Variants in ZNF560 observed in about 807,000 individuals in gnomAD.
ZNF560 encodes zinc finger protein 560.
Under a neutral mutation model 81.8 loss-of-function variants are expected in ZNF560, and 54 were observed. The observed-to-expected ratio is 0.66, with a 90% CI of 0.53 to 0.83. The LOEUF (loss-of-function observed/expected upper bound fraction) is 0.83. ZNF560 is among the 40% of genes least tolerant of loss of function. The probability of loss-of-function intolerance (pLI) is 0.00; values close to 1 mark genes in which losing one functional copy is unlikely to be tolerated. For missense variants in ZNF560, 940 were observed against 932.4 expected (o/e 1.01, Z -0.11); for synonymous variants, 321 against 317.9 (o/e 1.01, Z -0.10).
chr19:9,485,286 G>A (rs2073367074), intron 2 of ZNF560, among the ~76,000 whole-genome samples: 1 of 152,130 alleles, frequency 6.6e-6, no homozygotes, highest in Non-Finnish European at 1.5e-5. Flanking sequence ...CAAAATACTA[G>A]CAAGCTGAAT....
At chr19:9,505,231 C>T in the ZNF560 span, among the ~76,000 whole-genome samples, 8 of 152,210 alleles carry the variant, frequency 5.3e-5, no homozygotes, top group Non-Finnish European at 8.8e-5. Flanking sequence ...TGGCTTATTA[C>T]ATCTCTTGAT....
chr19:9,485,335 T>C (rs1464624540), intron 2 of ZNF560, among the ~76,000 whole-genome samples: 1 of 152,026 alleles, frequency 6.6e-6, no homozygotes, highest in African/African-American at 2.4e-5. Flanking sequence ...AATGATCAAG[T>C]AGGATTTATC....
chr19:9,458,900 G>A, the ZNF560 span, among the ~76,000 whole-genome samples: 2 of 152,196 alleles, frequency 1.3e-5, no homozygotes, highest in African/African-American at 4.8e-5. Flanking sequence ...CCTCGTTTGG[G>A]AGACTAGCTT....
At chr19:9,468,912 T>C (rs2073078740) in intron 9 of ZNF560, among the ~76,000 whole-genome samples, 193 bp downstream of exon 9, 1 of 152,002 alleles carries the variant, frequency 6.6e-6, no homozygotes, top group Non-Finnish European at 1.5e-5. Flanking sequence ...GTATTTTTAG[T>C]AGAGATGGGG....
chr19:9,503,458 C>T (rs983465907), upstream of ZNF560, among the ~76,000 whole-genome samples: 6 of 152,156 alleles, frequency 3.9e-5, no homozygotes, highest in East Asian at 1.9e-4. Flanking sequence ...CTGGTTCATA[C>T]GATTGTCTTC....
chr19:9,504,265 C>A, the ZNF560 span, among the ~76,000 whole-genome samples: 1 of 151,930 alleles, frequency 6.6e-6, no homozygotes, highest in Non-Finnish European at 1.5e-5. Flanking sequence ...TGAAACTCTG[C>A]TTCTACTAAA....
Position 9,466,814 on chromosome 19 carries a change from G to A in ZNF560, c.2133C>T (p.Pro711=), listed in dbSNP as rs754299500. The A allele has an allele frequency of 8.7e-6, 14 of 1,614,106 alleles. No individual in the cohort carries two copies. The highest frequency in any genetic ancestry group is 1.1e-5 in the Non-Finnish European group (13 of 1,180,020). The change falls in exon 10 of 10, where the codon CCC becomes CCT. Residue 711 remains proline, a synonymous_variant. Coordinates refer to ENST00000301480, the MANE Select transcript of ZNF560 (RefSeq NM_152476.3). ...CTTTCCCACAGTCCTTACATTTATAGGGTTTTATTTTGGTGAGAGTTTTTA... is the reference window on the plus strand; with the variant it reads ...CTTTCCCACAGTCCTTACATTTATAAGGTTTTATTTTGGTGAGAGTTTTTA... The part of the protein sequence containing the change: ...DRLKTLTKIK[P]YKCKDCGKAF...
At position 9,469,088 on chromosome 19, in the gene ZNF560, T is replaced by A. The variant is rs777764648; in HGVS notation, c.612+17A>T. 5.8e-5 allele frequency: 90 copies of A among 1,552,366 alleles called. No homozygotes were observed. The highest frequency in any genetic ancestry group is 6.1e-5 in the Non-Finnish European group (70 of 1,141,570). ...CTCTGAATGTGAAAAATAAGAAAGT[T>A]CTTTTGTTAATCTTACCAACTGTAT... On this transcript the variant is annotated intron_variant, in intron 9 of 9. Transcript: ENST00000301480.
At chr19:9,483,531 G>T (rs1373709243) in intron 2 of ZNF560, among the ~76,000 whole-genome samples, 5 of 142,476 alleles carry the variant, frequency 3.5e-5, no homozygotes, top group Non-Finnish European at 7.8e-5. Context: ...TCCGGGAGGG[G>T]GGTGGGGGGT....
intron 2 of ZNF560, among the ~76,000 whole-genome samples, chr19:9,490,995 T>C (rs746383836): frequency 1.4e-4 from 21 of 152,174 alleles, no homozygotes; most frequent in South Asian, 4.1e-4. Context: ...CTCCATCACA[T>C]TGAAAATATT....
chr19:9,456,598 A>G, the ZNF560 span, among the ~76,000 whole-genome samples: 15 of 152,180 alleles, frequency 9.9e-5, no homozygotes, highest in Admixed American at 8.5e-4. Flanking sequence ...TTTGGTAGAT[A>G]CAGGAGTGGA....
intron 2 of ZNF560, among the ~76,000 whole-genome samples, chr19:9,477,842 C>G (rs1413303672): frequency 6.6e-6 from 1 of 151,930 alleles, no homozygotes; most frequent in African/African-American, 2.4e-5. Flanking sequence ...AACTTGAAAA[C>G]AGACTACTTA....
chr19:9,453,428 C>T, the ZNF560 span, among the ~76,000 whole-genome samples: 7 of 151,984 alleles, frequency 4.6e-5, no homozygotes, highest in South Asian at 1.5e-3. Context: ...TAAATTCTAG[C>T]AACATTAATG....
the ZNF560 span, among the ~76,000 whole-genome samples, chr19:9,450,005 A>C: frequency 7.5e-6 from 1 of 133,788 alleles, no homozygotes; most frequent in Non-Finnish European, 1.6e-5. Context: ...AAAACAACTG[A>C]AAAAAGGCCA....
intron 2 of ZNF560, among the ~76,000 whole-genome samples, chr19:9,486,077 G>A (rs2073379983): frequency 1.3e-5 from 2 of 152,160 alleles, no homozygotes; most frequent in African/African-American, 4.8e-5. Context: ...CAAAAGAGGA[G>A]CCCAATTCTA....
chr19:9,505,609 T>C, the ZNF560 span, among the ~76,000 whole-genome samples: 2 of 152,248 alleles, frequency 1.3e-5, no homozygotes, highest in African/African-American at 4.8e-5. Flanking sequence ...TTTCCTCCAC[T>C]GCTGATTTTT....
chr19:9,485,782 C>T (rs890912324), intron 2 of ZNF560, among the ~76,000 whole-genome samples: 3 of 152,030 alleles, frequency 2.0e-5, no homozygotes, highest in African/African-American at 7.2e-5. Flanking sequence ...GTGATCCTCC[C>T]GCTTCTATCT....
At chr19:9,501,576 G>T (rs958767692), upstream of ZNF560, among the ~76,000 whole-genome samples, 2 of 151,558 alleles carry the variant, frequency 1.3e-5, no homozygotes, top group Non-Finnish European at 2.9e-5. Flanking sequence ...GGCCAGGCTG[G>T]TCTCAAACTC....
the ZNF560 span, among the ~76,000 whole-genome samples, chr19:9,460,285 G>A: frequency 1.3e-5 from 2 of 152,190 alleles, no homozygotes; most frequent in Admixed American, 1.3e-4. Context: ...GACAGATCAA[G>A]AAGCTGTCAC....
Sources: allele counts gnomAD v4.1 joint callset (sites outside exome capture counted in the v4.1 genomes callset), GRCh38; gene constraint gnomAD v4.1.1; transcripts MANE v1.5; gene names NCBI Gene and HGNC (gene_info 2026-07-23, HGNC 2026-07-21).